Variants in CSMD1 observed in about 807,000 individuals in gnomAD.
CSMD1 encodes CUB and sushi domain-containing protein 1.
CSMD1 carries 213 observed loss-of-function variants against 417.5 expected under a neutral mutation model. The ratio of observed to expected loss-of-function variants is 0.51; its 90% CI spans 0.46 to 0.57. The LOEUF is 0.57. CSMD1 is among the 20% of genes least tolerant of loss of function. The probability of loss-of-function intolerance (pLI) is 0.00; values close to 1 mark genes in which losing one functional copy is unlikely to be tolerated. For missense variants in CSMD1, 6,923 were observed against 4,529.7 expected (o/e 1.53, Z -15.17); for synonymous variants, 2,862 against 1,736.8 (o/e 1.65, Z -16.11).
intron 1 of CSMD1, among the ~76,000 whole-genome samples, chr8:4,866,457 G>GT (rs1180878149): frequency 2.0e-5 from 3 of 151,382 alleles, no homozygotes; most frequent in Admixed American, 6.6e-5. Context: ...ATTCTCTTTT[G>GT]TTTTTTTCTT....
At chr8:4,041,004 C>CTTTCTTTTTTTTTTTTCTTTTT (rs1250415506) in intron 3 of CSMD1, among the ~76,000 whole-genome samples, 1 of 129,806 alleles carries the variant, frequency 7.7e-6, no homozygotes, top group Non-Finnish European at 1.6e-5. Context: ...TCTTTTCTTT[C>CTTTCTTTTTTTTTTTTCTTTTT]TTTTTTTTTT....
intron 10 of CSMD1, among the ~76,000 whole-genome samples, chr8:3,557,997 CCT>C (rs1426588857): frequency 2.0e-5 from 3 of 151,918 alleles, no homozygotes; most frequent in African/African-American, 4.8e-5. Context: ...TCAGTGGTAC[CCT>C]GTGTCCACTC....
intron 41 of CSMD1, among the ~76,000 whole-genome samples, chr8:3,118,919 G>A (rs1205660640): frequency 6.6e-6 from 1 of 152,160 alleles, no homozygotes; most frequent in East Asian, 1.9e-4. Flanking sequence ...GGTGGCTCAC[G>A]CCTGTAATCC....
At chr8:4,367,774 T>C (rs1246894485) in intron 3 of CSMD1, among the ~76,000 whole-genome samples, 2 of 152,206 alleles carry the variant, frequency 1.3e-5, no homozygotes, top group Non-Finnish European at 2.9e-5. Flanking sequence ...GAAATATTTT[T>C]CATTGTTGGT....
intron 3 of CSMD1, among the ~76,000 whole-genome samples, chr8:4,228,239 A>G (rs1801481677): frequency 6.6e-6 from 1 of 152,146 alleles, no homozygotes; most frequent in East Asian, 1.9e-4. Flanking sequence ...CTGTAAAAAT[A>G]TTTGCCTTCC....
At chr8:4,727,716 G>A (rs1384478811) in intron 1 of CSMD1, among the ~76,000 whole-genome samples, 1 of 151,916 alleles carries the variant, frequency 6.6e-6, no homozygotes, top group East Asian at 1.9e-4. Flanking sequence ...TGTTCTGCCA[G>A]TAATCTTCCT....
At chr8:3,992,966 G>C (rs762552419) in intron 5 of CSMD1, among the ~76,000 whole-genome samples, 2 of 152,198 alleles carry the variant, frequency 1.3e-5, no homozygotes, top group Admixed American at 6.5e-5. Context: ...AACAAAGAAA[G>C]ATGGAAACGG....
At chr8:4,393,560 G>C (rs1186561965) in intron 3 of CSMD1, among the ~76,000 whole-genome samples, 1 of 152,282 alleles carries the variant, frequency 6.6e-6, no homozygotes, top group East Asian at 1.9e-4. Context: ...TAAGCATGCA[G>C]CAAGAGAAAG....
chr8:4,988,997 G>A (rs1811323984), intron 1 of CSMD1, among the ~76,000 whole-genome samples: 1 of 152,176 alleles, frequency 6.6e-6, no homozygotes, highest in Non-Finnish European at 1.5e-5. Context: ...TAGACATACT[G>A]GTTAATCAAA....
chr8:4,911,937 T>A (rs549065192), intron 1 of CSMD1, among the ~76,000 whole-genome samples: 45 of 152,090 alleles, frequency 3.0e-4, no homozygotes, highest in African/African-American at 1.1e-3. Context: ...TTTTAGCTTG[T>A]ACTATTTTAA....
intron 1 of CSMD1, among the ~76,000 whole-genome samples, chr8:4,925,680 G>C (rs983884360): frequency 6.6e-6 from 1 of 151,946 alleles, no homozygotes; most frequent in Non-Finnish European, 1.5e-5. Context: ...CCAAGTAGCT[G>C]GGACTACAGG....
At chr8:4,949,097 A>C (rs1285451947) in intron 1 of CSMD1, among the ~76,000 whole-genome samples, 1 of 152,024 alleles carries the variant, frequency 6.6e-6, no homozygotes, top group Non-Finnish European at 1.5e-5. Context: ...TGTAACTTTA[A>C]TCTGTAAATG....
intron 23 of CSMD1, among the ~76,000 whole-genome samples, chr8:3,312,734 G>A (rs1168920712): frequency 6.6e-6 from 1 of 152,150 alleles, no homozygotes; most frequent in Non-Finnish European, 1.5e-5. Flanking sequence ...CTAGGGAGAA[G>A]AGTGCTGCCT....
At chr8:4,767,525 G>A (rs1336580779) in intron 1 of CSMD1, among the ~76,000 whole-genome samples, 1 of 152,050 alleles carries the variant, frequency 6.6e-6, no homozygotes, top group Non-Finnish European at 1.5e-5. Context: ...CCCCCACATG[G>A]ATTAGTATCT....
intron 3 of CSMD1, among the ~76,000 whole-genome samples, chr8:4,342,796 G>A (rs549934178): frequency 1.1e-4 from 17 of 152,096 alleles, no homozygotes; most frequent in Non-Finnish European, 2.1e-4. Flanking sequence ...GACTTGGAAA[G>A]GTGGTTCGTT....
chr8:4,106,514 G>A (rs985461067), intron 3 of CSMD1, among the ~76,000 whole-genome samples: 1 of 152,034 alleles, frequency 6.6e-6, no homozygotes, highest in African/African-American at 2.4e-5. Context: ...AACAGAATGA[G>A]AGCCTCCTAT....
At chr8:4,851,071 G>A (rs1023674756) in intron 1 of CSMD1, among the ~76,000 whole-genome samples, 4 of 151,652 alleles carry the variant, frequency 2.6e-5, no homozygotes, top group Non-Finnish European at 5.9e-5. Context: ...TTAGCATGAG[G>A]TATATCTCCT....
chr8:4,280,483 C>T (rs147697965), intron 3 of CSMD1, among the ~76,000 whole-genome samples: 1 of 152,300 alleles, frequency 6.6e-6, no homozygotes, highest in East Asian at 1.9e-4. Flanking sequence ...TCAGTATATC[C>T]TCCACATTTC....
At chr8:3,942,426 T>G (rs1484337425) in intron 5 of CSMD1, among the ~76,000 whole-genome samples, 6 of 152,110 alleles carry the variant, frequency 3.9e-5, no homozygotes, top group Non-Finnish European at 5.9e-5. Context: ...GCATTACATT[T>G]ATGGTACCTG....
Sources: allele counts gnomAD v4.1 joint callset (sites outside exome capture counted in the v4.1 genomes callset), GRCh38; gene constraint gnomAD v4.1.1; transcripts MANE v1.5; gene names NCBI Gene and HGNC (gene_info 2026-07-23, HGNC 2026-07-21).